ZSWIM6: variants seen among roughly 807,000 people sequenced by gnomAD.
ZSWIM6 encodes zinc finger SWIM-type containing 6.
A neutral mutation model predicts 113.2 loss-of-function variants in ZSWIM6; 9 were observed. The ratio of observed to expected loss-of-function variants is 0.08; its 90% confidence interval spans 0.05 to 0.14. The LOEUF (loss-of-function observed/expected upper bound fraction) is 0.14, where lower values mean the gene tolerates loss of function less well. ZSWIM6 is among the 10% of genes least tolerant of loss of function. The probability of loss-of-function intolerance (pLI) is 1.00; values close to 1 mark genes in which losing one functional copy is unlikely to be tolerated. For missense variants in ZSWIM6, 1,162 were observed against 1,552.2 expected (o/e 0.75, Z 4.22); for synonymous variants, 611 against 606.5 (o/e 1.01, Z -0.11).
intron 1 of ZSWIM6, among the ~76,000 whole-genome samples, chr5:61,400,473 CTG>C (rs1239722006): frequency 6.6e-6 from 1 of 152,184 alleles, no homozygotes. Context: ...GGTTTAAAAA[CTG>C]TAATTTGATG....
At chr5:61,515,796 C>T (rs1748918642) in intron 4 of ZSWIM6, among the ~76,000 whole-genome samples, 1 of 152,072 alleles carries the variant, frequency 6.6e-6, no homozygotes, top group African/African-American at 2.4e-5. Context: ...TCTGTTTCTC[C>T]TTTAAGCTCT....
At chr5:61,387,354 AT>A (rs1037216049) in intron 1 of ZSWIM6, among the ~76,000 whole-genome samples, 1 of 152,242 alleles carries the variant, frequency 6.6e-6, no homozygotes, top group African/African-American at 2.4e-5. Context: ...ATAATGGGAT[AT>A]TTCAAATGTA....
chr5:61,371,721 A>G (rs1214861944), intron 1 of ZSWIM6, among the ~76,000 whole-genome samples: 1 of 152,218 alleles, frequency 6.6e-6, no homozygotes, highest in Admixed American at 6.5e-5. Flanking sequence ...CAGAACCATT[A>G]GGTGTGCTGT....
At chr5:61,525,660 C>T in intron 5 of ZSWIM6, 140 bp from the exon 6 acceptor site, 1 of 917,238 alleles carries the variant, frequency 1.1e-6, no homozygotes, top group Non-Finnish European at 1.6e-6. Flanking sequence ...TGAGAGTATT[C>T]ACCCTTCACC....
intron 1 of ZSWIM6, among the ~76,000 whole-genome samples, chr5:61,365,932 T>C (rs1414875677): frequency 6.6e-6 from 1 of 152,204 alleles, no homozygotes; most frequent in Non-Finnish European, 1.5e-5. Flanking sequence ...TGTCTTTTTT[T>C]TTAAGATGGT....
At position 61,487,336 on chromosome 5, in the gene ZSWIM6, G is replaced by C. The variant is rs182051658; in HGVS notation, c.1034-3450G>C. On this transcript the variant is annotated intron_variant, in intron 2 of 13. Coordinates refer to ENST00000252744, the MANE Select transcript of ZSWIM6 (RefSeq NM_020928.2). ...GCAGCCAGGTAATATGATGCTTCCA[G>C]CTTTGTTCTTTTTATTTATTTGGAT... 4.0e-3 allele frequency among the ~76,000 whole-genome samples: 608 copies of C among 152,122 alleles called. 4 individuals are homozygous for C. Among genetic ancestry groups the C allele is most frequent in the South Asian group, 0.021 (100 of 4,822 alleles).
intron 10 of ZSWIM6, among the ~76,000 whole-genome samples, chr5:61,536,691 TTTTA>T (rs1749582638): frequency 5.3e-5 from 8 of 152,216 alleles, no homozygotes; most frequent in Admixed American, 6.5e-5. Context: ...GACACCTCTT[TTTTA>T]TGCAGTGATA....
intron 4 of ZSWIM6, among the ~76,000 whole-genome samples, chr5:61,517,667 C>G (rs1166917273): frequency 6.6e-6 from 1 of 151,574 alleles, no homozygotes; most frequent in Non-Finnish European, 1.5e-5. Flanking sequence ...TTTGCTGTTT[C>G]TTTGTAAGTC....
chr5:61,335,685 A>C lies in ZSWIM6; in HGVS notation c.676+2737A>C, dbSNP rs540929555. Among the ~76,000 whole-genome samples the C allele has an allele frequency of 7.9e-5, 12 of 152,382 alleles. No individual in the cohort carries two copies. The South Asian group carries it at 2.5e-3, about 32-fold the overall frequency. On this transcript the variant is annotated intron_variant, in intron 1 of 13. Coordinates refer to ENST00000252744, the MANE Select transcript of ZSWIM6 (RefSeq NM_020928.2). ...ACAAGTGTACAGAAAGTATTCATTGACTTTTGTAGAGATGACTAAATTATA... is the reference window on the plus strand; with the variant it reads ...ACAAGTGTACAGAAAGTATTCATTGCCTTTTGTAGAGATGACTAAATTATA...
intron 1 of ZSWIM6, among the ~76,000 whole-genome samples, chr5:61,467,397 G>A (rs1747458731): frequency 6.6e-6 from 1 of 152,112 alleles, no homozygotes; most frequent in Non-Finnish European, 1.5e-5. Context: ...GGACTTTGCT[G>A]TCTGTCTCTG....
In ZSWIM6 at chr5:61,541,872, C is replaced by T; in HGVS notation, c.2704-12C>T. On this transcript the variant is annotated splice_polypyrimidine_tract_variant and intron_variant, in intron 12 of 13. Transcript: ENST00000252744. ...TAATTTTCTAAAACATTTTGTTACC[C>T]TGTTTTTATAGGTTATGCGAATGAC... 6.5e-7 allele frequency: 1 copy of T among 1,544,374 alleles called. No individual in the cohort carries two copies. Among genetic ancestry groups the T allele is most frequent in the South Asian group, 1.2e-5 (1 of 83,220 alleles).
At chr5:61,500,853 G>A (rs1220610157) in intron 4 of ZSWIM6, among the ~76,000 whole-genome samples, 1 of 152,108 alleles carries the variant, frequency 6.6e-6, no homozygotes, top group Non-Finnish European at 1.5e-5. Flanking sequence ...AAGACCCTTA[G>A]CTCATTGTCT....
chr5:61,377,262 C>A (rs569284251), intron 1 of ZSWIM6, among the ~76,000 whole-genome samples: 2 of 152,172 alleles, frequency 1.3e-5, no homozygotes, highest in East Asian at 3.9e-4. Flanking sequence ...ATAATTTATA[C>A]CTCCACCAGA....
intron 1 of ZSWIM6, among the ~76,000 whole-genome samples, chr5:61,395,660 T>G (rs1026126032): frequency 2.6e-5 from 4 of 152,222 alleles, no homozygotes; most frequent in Non-Finnish European, 5.9e-5. Flanking sequence ...CTTTTTGATA[T>G]ATCAGGAAAG....
intron 1 of ZSWIM6, among the ~76,000 whole-genome samples, chr5:61,449,092 G>GT (rs1467740498): frequency 1.3e-5 from 2 of 152,234 alleles, no homozygotes; most frequent in East Asian, 1.9e-4. Context: ...TTGACTCCTG[G>GT]TAAGTGTTTT....
chr5:61,355,842 A>G (rs1457847829), intron 1 of ZSWIM6, among the ~76,000 whole-genome samples: 1 of 152,216 alleles, frequency 6.6e-6, no homozygotes, highest in Non-Finnish European at 1.5e-5. Context: ...TGTTAAAAGT[A>G]TTATTAGAAT....
chr5:61,366,608 CTAGTTT>C, intron 1 of ZSWIM6, among the ~76,000 whole-genome samples: 1 of 152,268 alleles, frequency 6.6e-6, no homozygotes, highest in South Asian at 2.1e-4. Flanking sequence ...ATTTAGCTTT[CTAGTTT>C]AGCTTTCTAG....
intron 1 of ZSWIM6, among the ~76,000 whole-genome samples, chr5:61,367,105 C>A (rs1745174549): frequency 6.6e-6 from 1 of 152,160 alleles, no homozygotes; most frequent in Admixed American, 6.5e-5. Flanking sequence ...GCCCCAGACA[C>A]CTCACCATCC....
intron 1 of ZSWIM6, among the ~76,000 whole-genome samples, chr5:61,421,373 A>G (rs1746352298): frequency 6.6e-6 from 1 of 152,148 alleles, no homozygotes; most frequent in Non-Finnish European, 1.5e-5. Flanking sequence ...TTGTCTTTCT[A>G]TGCCTGGCTT....
Sources: gnomAD v4.1 joint callset for allele counts (sites outside exome capture counted in the v4.1 genomes callset) on GRCh38, gnomAD v4.1.1 for gene constraint, MANE v1.5 for transcripts, NCBI Gene and HGNC (gene_info 2026-07-23, HGNC 2026-07-21) for gene names.